INSR: variants seen among roughly 807,000 people sequenced by gnomAD.
The protein encoded by INSR is IR.
INSR carries 67 observed loss-of-function variants against 142.6 expected under a neutral mutation model. That is an observed-to-expected ratio of 0.47 (90% CI 0.39 to 0.58). The LOEUF is 0.58. INSR is among the 20% of genes least tolerant of loss of function. INSR has a pLI of 0.00. For missense variants in INSR, 1,248 were observed against 1,833.2 expected, an observed-to-expected ratio of 0.68 and a Z score of 5.83; for synonymous variants, 756 against 743.1, an observed-to-expected ratio of 1.02 and a Z score of -0.28.
intron 10 of INSR, chr19:7,152,296 C>T (rs1278365893): frequency 1.1e-5 from 3 of 275,758 alleles, no homozygotes; most frequent in Non-Finnish European, 2.1e-5. Flanking sequence ...GAGGCTGAGG[C>T]ACAAGAATCA....
intron 13 of INSR, among the ~76,000 whole-genome samples, chr19:7,133,447 G>C (rs1046616592): frequency 2.0e-5 from 3 of 152,182 alleles, no homozygotes; most frequent in African/African-American, 7.2e-5. Context: ...TGCAATATGT[G>C]TTATTAGCTA....
chr19:7,192,894 C>T lies in INSR; in HGVS notation c.653-8257G>A, dbSNP rs767956505. On this transcript the variant is annotated intron_variant, in intron 2 of 21. Coordinates refer to ENST00000302850, the MANE Select transcript of INSR (RefSeq NM_000208.4). The surrounding 1 kb of genome is among the most constrained non-coding windows in gnomAD (Gnocchi z 4.2). The stretch of plus-strand genomic sequence containing the variant: ...TTTCACTATACACTGCTGAGAAGAT[C>T]AGGGACTAAAATCTAACTAAGTTGA... Among the ~76,000 whole-genome samples, 3 of 152,110 alleles carry T rather than the reference C, an allele frequency of 2.0e-5. No individual in the cohort carries two copies. The highest frequency in any genetic ancestry group is 4.4e-5 in the Non-Finnish European group (3 of 68,030).
chr19:7,146,525 G>A (rs1256258958), intron 11 of INSR, among the ~76,000 whole-genome samples: 1 of 152,084 alleles, frequency 6.6e-6, no homozygotes, highest in East Asian at 1.9e-4. Context: ...TTACAGGCAT[G>A]AGCCACCATG....
At chr19:7,259,734 G>T (rs916615136) in intron 2 of INSR, among the ~76,000 whole-genome samples, 1 of 151,624 alleles carries the variant, frequency 6.6e-6, no homozygotes, top group Admixed American at 6.6e-5. Context: ...CAGAAGAATC[G>T]CTTGAACCCA....
intron 5 of INSR, 47 bp downstream of exon 5, chr19:7,172,243 A>G: frequency 6.2e-7 from 1 of 1,609,646 alleles, no homozygotes; most frequent in Non-Finnish European, 8.5e-7. Context: ...TAATACACGA[A>G]CTTCCTAGTT....
At chr19:7,177,059 G>A (rs1974150626) in intron 3 of INSR, among the ~76,000 whole-genome samples, 1 of 152,162 alleles carries the variant, frequency 6.6e-6, no homozygotes, top group Non-Finnish European at 1.5e-5. Context: ...GCAGCCTGAT[G>A]CCATCAAACT....
chr19:7,164,140 G>A (rs1007813797), intron 8 of INSR, among the ~76,000 whole-genome samples: 2 of 149,614 alleles, frequency 1.3e-5, no homozygotes, highest in Non-Finnish European at 3.0e-5. Flanking sequence ...CCTACAGGAC[G>A]GGGTTTCTCA....
intron 8 of INSR, among the ~76,000 whole-genome samples, chr19:7,165,592 G>T (rs1207907674): frequency 6.6e-6 from 1 of 151,922 alleles, no homozygotes; most frequent in African/African-American, 2.4e-5. Context: ...ACTGGGCAAG[G>T]TGGCTCACAC....
intron 2 of INSR, among the ~76,000 whole-genome samples, chr19:7,213,859 C>T (rs1381022199): frequency 6.6e-6 from 1 of 152,036 alleles, no homozygotes; most frequent in Non-Finnish European, 1.5e-5. Flanking sequence ...CGTGGTGGTG[C>T]ACGCCTGCAA....
At position 7,144,340 on chromosome 19, in the gene INSR, C is replaced by T. The variant is rs1371483744; in HGVS notation, c.2268-1250G>A. Among the ~76,000 whole-genome samples, 7 of 152,126 alleles carry T rather than the reference C, an allele frequency of 4.6e-5. No homozygotes were observed. The South Asian group carries it at 6.2e-4, about 14-fold the overall frequency. On this transcript the variant is annotated intron_variant, in intron 11 of 21. Transcript: ENST00000302850. ...TGTTCCCTGCAGAAAACTTGGAAAA[C>T]GATGAATGACTGTAAAATATTCCAT... is the stretch of plus-strand genomic sequence containing the variant.
At chr19:7,260,560 G>C (rs991285193) in intron 2 of INSR, among the ~76,000 whole-genome samples, 2 of 152,166 alleles carry the variant, frequency 1.3e-5, no homozygotes, top group African/African-American at 4.8e-5. Context: ...CAAGATACAT[G>C]TTCCTCTGCC....
rs1330327736 is a variant in INSR at position 7,136,281 on chromosome 19, G to T, written c.2683-3964C>A. The stretch of plus-strand genomic sequence containing the variant: ...GAGCAGATTCCAGAGGAAGTTCGGG[G>T]CATTGTTGACAGCAAGAATACAGAT... On this transcript the variant is annotated intron_variant, in intron 13 of 21. Transcript: ENST00000302850. 2.0e-5 allele frequency among the ~76,000 whole-genome samples: 3 copies of T among 152,088 alleles called. No individual in the cohort carries two copies. In the East Asian group the frequency reaches 5.8e-4, roughly 29 times the overall value.
chr19:7,231,020 C>T, intron 2 of INSR, among the ~76,000 whole-genome samples: 1 of 152,156 alleles, frequency 6.6e-6, no homozygotes, highest in Admixed American at 6.5e-5. Context: ...CTCCAGCCTC[C>T]CCTCCTGGCA....
intron 5 of INSR, among the ~76,000 whole-genome samples, chr19:7,171,135 C>A (rs959631011): frequency 4.6e-5 from 7 of 152,086 alleles, no homozygotes; most frequent in Non-Finnish European, 1.0e-4. Flanking sequence ...TGCAATGGAC[C>A]AGACCCTCTA....
rs565092654 is a variant in INSR, at chr19:7,141,715, C to T, written c.2644G>A (p.Val882Met). The change falls in exon 13 of 22, where the codon GTG (valine) becomes ATG (methionine). Residue 882 changes from valine (V) to methionine (M), a missense_variant. Around this residue, in one of 3 missense-constraint regions of INSR, gnomAD observed 1,069 missense variants for 1,654.0 expected, o/e 0.65. Transcript: ENST00000302850. ...CGCCGATAACTCACTTCATACAGCACGATCAGACCATTGGGCTCCTTCGGC... is the reference window on the plus strand; with the variant it reads ...CGCCGATAACTCACTTCATACAGCATGATCAGACCATTGGGCTCCTTCGGC... Reference protein sequence around the residue: ...QEPKEPNGLIVLYEVSYRRYG... With the variant: ...QEPKEPNGLIMLYEVSYRRYG... 1.2e-5 allele frequency: 19 copies of T among 1,614,164 alleles called. No homozygotes were observed. The highest frequency in any genetic ancestry group is 1.1e-4 in the East Asian group (5 of 44,878).
chr19:7,212,231 G>A lies in INSR; in HGVS notation c.653-27594C>T, dbSNP rs749524133. ...GCGAGACTCTTGCCAGAGCCAGAGG[G>A]AAATCATCAAAGCCGATGGGGCTGA... On this transcript the variant is annotated intron_variant, in intron 2 of 21. Coordinates refer to ENST00000302850, the MANE Select transcript of INSR (RefSeq NM_000208.4). Among the ~76,000 whole-genome samples, 46 of 152,244 alleles carry A rather than the reference G, an allele frequency of 3.0e-4. 1 individual carries two copies. In the Middle Eastern group the frequency reaches 0.031, roughly 102 times the overall value.
At chr19:7,270,938 C>A (rs527928878) in intron 1 of INSR, among the ~76,000 whole-genome samples, 1 of 149,742 alleles carries the variant, frequency 6.7e-6, no homozygotes, top group Admixed American at 6.7e-5. Flanking sequence ...GGCGGGCACC[C>A]GTAGTGGCAA....
At chr19:7,253,130 A>G (rs1976783237) in intron 2 of INSR, among the ~76,000 whole-genome samples, 1 of 151,696 alleles carries the variant, frequency 6.6e-6, no homozygotes, top group East Asian at 1.9e-4. Context: ...AAAATAGAAG[A>G]AGCCACAGGA....
chr19:7,245,514 A>G (rs747510989), intron 2 of INSR, among the ~76,000 whole-genome samples: 2 of 151,966 alleles, frequency 1.3e-5, no homozygotes, highest in Non-Finnish European at 2.9e-5. Flanking sequence ...CAGTGGCACA[A>G]TCTCGGCTCA....
Sources: allele counts gnomAD v4.1 joint callset (sites outside exome capture counted in the v4.1 genomes callset), GRCh38; gene constraint gnomAD v4.1.1; regional missense constraint gnomAD v4.1.1; non-coding constraint Gnocchi (gnomAD v3.1); transcripts MANE v1.5; gene names NCBI Gene and HGNC (gene_info 2026-07-23, HGNC 2026-07-21).